The following CREB5 variants were observed in gnomAD, a reference collection of about 807,000 sequenced individuals.
The protein encoded by CREB5 is cyclic AMP-responsive element-binding protein 5.
In CREB5, 19 loss-of-function variants were observed where a neutral mutation model predicts 57.1. The ratio of observed to expected loss-of-function variants is 0.33; its 90% CI spans 0.23 to 0.49. The LOEUF is 0.49. Ranked by LOEUF, CREB5 falls within the 20% of genes least tolerant of loss-of-function variation. The probability of loss-of-function intolerance (pLI) is 0.99; values close to 1 mark genes in which losing one functional copy is unlikely to be tolerated. For missense variants in CREB5, 579 were observed against 671.6 expected, an observed-to-expected ratio of 0.86 and a Z score of 1.52; for synonymous variants, 238 against 238.3, an observed-to-expected ratio of 1.00 and a Z score of 0.01.
chr7:28,715,767 A>G (rs1419838204), intron 5 of CREB5, among the ~76,000 whole-genome samples: 4 of 152,206 alleles, frequency 2.6e-5, no homozygotes, highest in Non-Finnish European at 4.4e-5. Flanking sequence ...GTGTAGAACA[A>G]TAACCTCAAA....
In CREB5 at chr7:28,560,841, T is replaced by TGTGCGTGTGC. The variant is rs1443960015; in HGVS notation, c.292-9519_292-9518insTGTGCGTGCG. ...GTGTGTGCGCGCGCGCGCGTGTGTG[T>TGTGCGTGTGC]GTGCGCGTGTGTGTGTGCGTGTGCC... On this transcript the variant is annotated intron_variant, in intron 4 of 10. Transcript: ENST00000357727. Among the ~76,000 whole-genome samples, 2 of 75,062 alleles carry TGTGCGTGTGC rather than the reference T, an allele frequency of 2.7e-5. 1 individual carries two copies. Among genetic ancestry groups the TGTGCGTGTGC allele is most frequent in the African/African-American group, 9.8e-5 (2 of 20,348 alleles). The allele number at this position is 75,062 out of a possible 152,430, so 49.2% of individuals were successfully genotyped here.
intron 5 of CREB5, among the ~76,000 whole-genome samples, chr7:28,638,228 C>A (rs1798501933): frequency 6.7e-6 from 1 of 149,252 alleles, no homozygotes; most frequent in Non-Finnish European, 1.5e-5. Context: ...TTGATCCCTG[C>A]CTTCATTCAA....
intron 5 of CREB5, among the ~76,000 whole-genome samples, chr7:28,710,180 T>A (rs192319906): frequency 7.6e-4 from 116 of 152,344 alleles, no homozygotes; most frequent in Non-Finnish European, 4.4e-5. Flanking sequence ...TTTATGCTTT[T>A]CAAGAACAGA....
chr7:28,357,937 T>G (rs1414288508), intron 1 of CREB5, among the ~76,000 whole-genome samples: 1 of 152,150 alleles, frequency 6.6e-6, no homozygotes, highest in Non-Finnish European at 1.5e-5. Flanking sequence ...GGGGGCAGAA[T>G]TTAAACTCAT....
chr7:28,737,393 C>T (rs1015493899), intron 7 of CREB5, among the ~76,000 whole-genome samples: 1 of 151,306 alleles, frequency 6.6e-6, no homozygotes, highest in Non-Finnish European at 1.5e-5. Context: ...TGGTTTCTTC[C>T]CCCCTCTGTT....
intron 1 of CREB5, among the ~76,000 whole-genome samples, chr7:28,470,646 C>G (rs1366286156): frequency 6.6e-6 from 1 of 152,108 alleles, no homozygotes; most frequent in African/African-American, 2.4e-5. Flanking sequence ...TTTTGAGAAG[C>G]CTCCAAATGG....
chr7:28,336,613 C>T (rs990026227), intron 1 of CREB5, among the ~76,000 whole-genome samples: 1 of 151,590 alleles, frequency 6.6e-6, no homozygotes, highest in African/African-American at 2.4e-5. Context: ...AAAGGTTTGT[C>T]AATTTTGTTT....
intron 5 of CREB5, among the ~76,000 whole-genome samples, chr7:28,713,573 G>A (rs112453770): frequency 1.3e-5 from 2 of 152,288 alleles, no homozygotes; most frequent in East Asian, 1.9e-4. Flanking sequence ...AAATGAAGAC[G>A]CTGACCACCT....
chr7:28,587,848 C>T (rs932393730), intron 5 of CREB5, among the ~76,000 whole-genome samples: 1 of 152,186 alleles, frequency 6.6e-6, no homozygotes, highest in Admixed American at 6.5e-5. Context: ...AACATTACCT[C>T]CTTTTCAATA....
chr7:28,522,909 T>C (rs1162878487), intron 4 of CREB5, among the ~76,000 whole-genome samples: 2 of 152,180 alleles, frequency 1.3e-5, no homozygotes, highest in African/African-American at 2.4e-5. Context: ...CCAAGATGCG[T>C]AATTCCAGTT....
chr7:28,417,461 G>A (rs541613248), intron 1 of CREB5, among the ~76,000 whole-genome samples: 3 of 151,854 alleles, frequency 2.0e-5, no homozygotes, highest in Non-Finnish European at 4.4e-5. Flanking sequence ...TCCACGTGTG[G>A]TCGGTGACTA....
intron 5 of CREB5, among the ~76,000 whole-genome samples, chr7:28,572,399 C>A (rs185499632): frequency 6.6e-6 from 1 of 152,194 alleles, no homozygotes; most frequent in South Asian, 2.1e-4. Flanking sequence ...CCATAGAGTG[C>A]TAAGAGGGTG....
intron 1 of CREB5, among the ~76,000 whole-genome samples, chr7:28,374,047 C>T (rs1021263699): frequency 2.6e-5 from 4 of 151,884 alleles, no homozygotes; most frequent in East Asian, 3.9e-4. Context: ...CTTAAAAGCC[C>T]GAGCTTCAAT....
intron 1 of CREB5, among the ~76,000 whole-genome samples, chr7:28,456,190 A>G (rs73075851): frequency 0.01 from 1,586 of 152,290 alleles, 10 homozygotes; most frequent in Middle Eastern, 0.044. Flanking sequence ...TTAAGAGGAA[A>G]AAAATGTTCC....
At position 28,821,895 on chromosome 7, in the gene CREB5, T is replaced by A. The variant is rs1167485643; in HGVS notation, c.*2616T>A. ...CATAGCACTTAATAAAATGGATTTTTAAAAAATCCACTAGTAATATCAGAA... is the reference window on the plus strand; with the variant it reads ...CATAGCACTTAATAAAATGGATTTTAAAAAAATCCACTAGTAATATCAGAA... On this transcript the variant is annotated 3_prime_UTR_variant, in exon 11 of 11. Transcript: ENST00000357727. 6.5e-6 allele frequency: 1 copy of A among 152,676 alleles called. No individual in the cohort carries two copies. The highest frequency in any genetic ancestry group is 1.5e-5 in the Non-Finnish European group (1 of 68,038). 9.5% of individuals were successfully genotyped at this position (152,676 alleles called of 1,614,324 possible). A position where few individuals can be genotyped will look rare whatever the true frequency, so the allele number is the denominator to read the frequency against.
At chr7:28,300,383 G>T (rs1785079958) in intron 1 of CREB5, among the ~76,000 whole-genome samples, 1 of 152,166 alleles carries the variant, frequency 6.6e-6, no homozygotes, top group African/African-American at 2.4e-5. Flanking sequence ...GAAAATTTCA[G>T]GCAATTTTGT....
At chr7:28,714,879 G>T (rs1802591551) in intron 5 of CREB5, among the ~76,000 whole-genome samples, 1 of 152,150 alleles carries the variant, frequency 6.6e-6, no homozygotes. Flanking sequence ...TTTACCTAGA[G>T]GCATATGGTT....
chr7:28,542,410 T>G (rs2128628876), intron 4 of CREB5, among the ~76,000 whole-genome samples: 1 of 152,340 alleles, frequency 6.6e-6, no homozygotes, highest in East Asian at 1.9e-4. Context: ...ATTGATTACC[T>G]GCCAATGTTC....
intron 7 of CREB5, among the ~76,000 whole-genome samples, chr7:28,731,238 T>G (rs1803609854): frequency 6.6e-6 from 1 of 152,242 alleles, no homozygotes; most frequent in Non-Finnish European, 1.5e-5. Flanking sequence ...GTAGAAAGTT[T>G]AATTTAGGAA....
Sources: allele counts gnomAD v4.1 joint callset (sites outside exome capture counted in the v4.1 genomes callset), GRCh38; gene constraint gnomAD v4.1.1; transcripts MANE v1.5; gene names NCBI Gene and HGNC (gene_info 2026-07-23, HGNC 2026-07-21).